Variants in SAXO1 observed in about 807,000 individuals in gnomAD.
The protein encoded by SAXO1 is 4930500O09Rik.
In SAXO1, 21 loss-of-function variants were observed where a neutral mutation model predicts 17.5. That is an observed-to-expected ratio of 1.20 (90% confidence interval 0.85 to 1.72). The LOEUF (loss-of-function observed/expected upper bound fraction) is 1.72, where lower values mean the gene tolerates loss of function less well. SAXO1 is among the 40% of genes most tolerant of loss of function. The pLI is 0.00. For missense variants in SAXO1, 843 were observed against 596.0 expected, an observed-to-expected ratio of 1.41 and a Z score of -4.32; for synonymous variants, 274 against 216.5, an observed-to-expected ratio of 1.27 and a Z score of -2.33.
chr9:19,030,163 T>C (rs920169815), intron 1 of SAXO1, among the ~76,000 whole-genome samples: 4 of 151,882 alleles, frequency 2.6e-5, no homozygotes, highest in African/African-American at 9.7e-5. Flanking sequence ...ATAGGTATTT[T>C]AGAGAAAGGG....
intron 1 of SAXO1, among the ~76,000 whole-genome samples, chr9:18,989,878 T>A (rs1012468531): frequency 1.3e-5 from 2 of 152,208 alleles, no homozygotes; most frequent in Non-Finnish European, 2.9e-5. Context: ...CAGCCATTGC[T>A]CTTACAGATT....
chr9:19,027,021 T>C, intron 1 of SAXO1: 2 of 845,178 alleles, frequency 2.4e-6, no homozygotes, highest in African/African-American at 1.7e-5. Context: ...GAGTTAACTG[T>C]TGAGAGTCAC....
In SAXO1 at chr9:18,928,525, G is replaced by T. The variant is rs201794314; in HGVS notation, c.952C>A (p.Pro318Thr). The change falls in exon 4 of 4, where the codon CCA (proline) becomes ACA (threonine). Residue 318 changes from proline (P) to threonine (T), a missense_variant. By Grantham distance (38) the Pro-to-Thr change is conservative (BLOSUM62 -1). Transcript: ENST00000380534. The stretch of plus-strand genomic sequence containing the variant: ...AGTGCAGGTCGGCAGGACTGAGCTG[G>T]GGCACCCTTAGGGCATGTGTAATGG... ...QAHYTCPKGAPAQSCRPALQI... is the reference protein window; with the variant it reads ...QAHYTCPKGATAQSCRPALQI... 2 of 1,613,992 alleles carry T rather than the reference G, an allele frequency of 1.2e-6. No homozygotes were observed. Among genetic ancestry groups the T allele is most frequent in the East Asian group, 2.2e-5 (1 of 44,858 alleles).
At chr9:18,966,095 G>C (rs1164582326) in intron 1 of SAXO1, among the ~76,000 whole-genome samples, 3 of 152,236 alleles carry the variant, frequency 2.0e-5, no homozygotes, top group African/African-American at 7.2e-5. Flanking sequence ...GGTTTGTAGG[G>C]TTTCTGCAGA....
At chr9:18,972,409 T>G (rs1313258054) in intron 1 of SAXO1, among the ~76,000 whole-genome samples, 1 of 152,234 alleles carries the variant, frequency 6.6e-6, no homozygotes, top group Non-Finnish European at 1.5e-5. Context: ...TTCATAAATG[T>G]GTAGAATTTG....
intron 1 of SAXO1, among the ~76,000 whole-genome samples, chr9:18,968,773 T>C (rs902272668): frequency 2.0e-5 from 3 of 152,114 alleles, no homozygotes; most frequent in Non-Finnish European, 4.4e-5. Flanking sequence ...TTTGTATTTT[T>C]AGTAGAGATG....
At chr9:19,014,160 G>A (rs1834867271) in intron 1 of SAXO1, among the ~76,000 whole-genome samples, 1 of 151,874 alleles carries the variant, frequency 6.6e-6, no homozygotes, top group Non-Finnish European at 1.5e-5. Context: ...ACTATCAAAG[G>A]CTTTAAATTG....
intron 1 of SAXO1, among the ~76,000 whole-genome samples, chr9:19,040,667 G>A (rs1588576320): frequency 6.6e-6 from 1 of 151,850 alleles, no homozygotes; most frequent in Admixed American, 6.6e-5. Flanking sequence ...AAAAAAAAGA[G>A]AGAGAGAGAA....
At chr9:18,975,769 G>A (rs1340804899) in intron 1 of SAXO1, among the ~76,000 whole-genome samples, 1 of 152,156 alleles carries the variant, frequency 6.6e-6, no homozygotes, top group East Asian at 1.9e-4. Flanking sequence ...ATATTATGGT[G>A]GAGTGAGCAC....
chr9:19,023,427 T>A (rs1835332683), intron 1 of SAXO1, among the ~76,000 whole-genome samples: 1 of 152,164 alleles, frequency 6.6e-6, no homozygotes, highest in Non-Finnish European at 1.5e-5. Context: ...ATAACTCTGT[T>A]GAGTCAGGTT....
chr9:19,036,577 G>A (rs549752996), upstream of SAXO1, among the ~76,000 whole-genome samples: 4 of 152,318 alleles, frequency 2.6e-5, no homozygotes, highest in East Asian at 7.7e-4. Context: ...TTGGGCCATG[G>A]CTTCAGAGGA....
intron 1 of SAXO1, among the ~76,000 whole-genome samples, chr9:18,986,116 C>T (rs1382472321): frequency 6.6e-6 from 1 of 152,156 alleles, no homozygotes; most frequent in Non-Finnish European, 1.5e-5. Flanking sequence ...GCTTTTCTAG[C>T]TTTGGGTCCT....
At chr9:19,013,948 T>C (rs565008283) in intron 1 of SAXO1, among the ~76,000 whole-genome samples, 1 of 152,284 alleles carries the variant, frequency 6.6e-6, no homozygotes, top group South Asian at 2.1e-4. Flanking sequence ...GGCATGTTAG[T>C]CTGTAACAGA....
chr9:19,028,467 T>C (rs576585450), intron 1 of SAXO1, among the ~76,000 whole-genome samples: 8 of 152,324 alleles, frequency 5.3e-5, no homozygotes, highest in Admixed American at 2.6e-4. Context: ...AACATTATAC[T>C]CTCATATACA....
At chr9:19,027,819 T>A in intron 1 of SAXO1, 1 of 1,491,422 alleles carries the variant, frequency 6.7e-7, no homozygotes, top group East Asian at 2.3e-5. Flanking sequence ...GTTAAGGTAA[T>A]TGCAGTCACA....
intron 2 of SAXO1, among the ~76,000 whole-genome samples, chr9:18,942,718 A>C (rs1831624336): frequency 6.6e-6 from 1 of 152,186 alleles, no homozygotes; most frequent in Non-Finnish European, 1.5e-5. Flanking sequence ...ATCCCAGATA[A>C]AAAGGCCCAG....
intron 1 of SAXO1, among the ~76,000 whole-genome samples, chr9:19,019,887 C>G (rs1307675250): frequency 3.3e-5 from 5 of 152,100 alleles, no homozygotes; most frequent in Non-Finnish European, 7.3e-5. Flanking sequence ...CAAGTAAAAG[C>G]CCTCTTCTGT....
chr9:18,964,595 C>A (rs1832639142), intron 1 of SAXO1, among the ~76,000 whole-genome samples: 1 of 152,120 alleles, frequency 6.6e-6, no homozygotes, highest in Non-Finnish European at 1.5e-5. Context: ...TCTGTGGGAT[C>A]AGTGGTGATA....
intron 1 of SAXO1, among the ~76,000 whole-genome samples, chr9:18,975,436 G>A (rs1235512787): frequency 6.6e-6 from 1 of 152,180 alleles, no homozygotes; most frequent in African/African-American, 2.4e-5. Context: ...GCACTTCAGA[G>A]CACACCCATT....
Sources: gnomAD v4.1 joint callset for allele counts (sites outside exome capture counted in the v4.1 genomes callset) on GRCh38, gnomAD v4.1.1 for gene constraint, MANE v1.5 for transcripts, NCBI Gene and HGNC (gene_info 2026-07-23, HGNC 2026-07-21) for gene names.